The following CNTNAP2 variants were observed in gnomAD, a reference collection of about 807,000 sequenced individuals.
CNTNAP2 encodes contactin associated protein 2.
In CNTNAP2, 98 loss-of-function variants were observed where a neutral mutation model predicts 155.2. The observed-to-expected ratio is 0.63, with a 90% confidence interval of 0.54 to 0.75. The LOEUF (loss-of-function observed/expected upper bound fraction) is 0.75, where lower values mean the gene tolerates loss of function less well. CNTNAP2 is among the 30% of genes least tolerant of loss of function. The pLI is 0.00. For synonymous variants in CNTNAP2, 651 were observed against 631.2 expected, an observed-to-expected ratio of 1.03 and a Z score of -0.47; for missense variants, 1,727 against 1,688.1, an observed-to-expected ratio of 1.02 and a Z score of -0.40.
At chr7:146,864,349 TA>T (rs1795161538) in intron 3 of CNTNAP2, among the ~76,000 whole-genome samples, 2 of 152,014 alleles carry the variant, frequency 1.3e-5, no homozygotes, top group Non-Finnish European at 2.9e-5. Context: ...GCAACAGATA[TA>T]AAAAAATCAT....
chr7:147,653,799 A>G (rs1410555505), intron 13 of CNTNAP2, among the ~76,000 whole-genome samples: 3 of 152,224 alleles, frequency 2.0e-5, no homozygotes, highest in African/African-American at 4.8e-5. Flanking sequence ...AACTCATGTT[A>G]CTTTAGTTGG....
At chr7:147,358,693 T>A (rs946647664) in intron 9 of CNTNAP2, among the ~76,000 whole-genome samples, 1 of 152,084 alleles carries the variant, frequency 6.6e-6, no homozygotes, top group Non-Finnish European at 1.5e-5. Flanking sequence ...AAAAAGCAAA[T>A]TTTATTTATT....
chr7:147,736,850 C>T (rs937182099), intron 13 of CNTNAP2, among the ~76,000 whole-genome samples: 1 of 152,200 alleles, frequency 6.6e-6, no homozygotes, highest in Non-Finnish European at 1.5e-5. Flanking sequence ...ACGTAGTTCT[C>T]GTGCTATGGT....
intron 5 of CNTNAP2, among the ~76,000 whole-genome samples, chr7:147,115,884 G>A (rs1191240548): frequency 6.6e-6 from 1 of 152,124 alleles, no homozygotes; most frequent in African/African-American, 2.4e-5. Context: ...TGGAGGAAAA[G>A]GGGCACTCGG....
At chr7:146,464,771 T>G (rs1268214713) in intron 1 of CNTNAP2, among the ~76,000 whole-genome samples, 1 of 152,184 alleles carries the variant, frequency 6.6e-6, no homozygotes, top group Non-Finnish European at 1.5e-5. Context: ...GAAAGTCTTA[T>G]AAATGACTTT....
intron 9 of CNTNAP2, among the ~76,000 whole-genome samples, chr7:147,305,249 A>T (rs1795007503): frequency 1.3e-5 from 2 of 152,232 alleles, no homozygotes; most frequent in African/African-American, 4.8e-5. Flanking sequence ...AAGTAAAGGC[A>T]AAAACGAGCT....
At chr7:147,932,583 G>C in intron 14 of CNTNAP2, among the ~76,000 whole-genome samples, 1 of 152,214 alleles carries the variant, frequency 6.6e-6, no homozygotes, top group Middle Eastern at 3.4e-3. Flanking sequence ...AGACTTAAAC[G>C]TAAGACCTGA....
chr7:146,842,168 T>C (rs906303067), intron 3 of CNTNAP2, among the ~76,000 whole-genome samples: 5 of 152,200 alleles, frequency 3.3e-5, no homozygotes, highest in African/African-American at 7.2e-5. Context: ...ATTCCAGGCG[T>C]GAGCCACTGC....
intron 23 of CNTNAP2, 39 bp from the exon 24 acceptor site, chr7:148,415,378 G>C: frequency 6.2e-7 from 1 of 1,605,456 alleles, no homozygotes; most frequent in Non-Finnish European, 8.5e-7. Flanking sequence ...GGACTCCCAA[G>C]CCCTGTCTAA....
chr7:146,151,441 A>G (rs1379214341), intron 1 of CNTNAP2, among the ~76,000 whole-genome samples: 1 of 150,808 alleles, frequency 6.6e-6, no homozygotes, highest in African/African-American at 2.4e-5. Flanking sequence ...TCTCTGCTTT[A>G]TGAATTCAAT....
chr7:146,183,505 G>A (rs1381046721), intron 1 of CNTNAP2, among the ~76,000 whole-genome samples: 1 of 151,852 alleles, frequency 6.6e-6, no homozygotes, highest in East Asian at 1.9e-4. Context: ...TCAGTAAAAG[G>A]CCATCCAACT....
chr7:148,010,212 A>C (rs1270439737), intron 15 of CNTNAP2, among the ~76,000 whole-genome samples: 1 of 151,544 alleles, frequency 6.6e-6, no homozygotes, highest in Non-Finnish European at 1.5e-5. Flanking sequence ...AGTTATCTGT[A>C]TCTTTTGATA....
At chr7:146,194,060 G>A (rs538731925) in intron 1 of CNTNAP2, among the ~76,000 whole-genome samples, 181 of 152,254 alleles carry the variant, frequency 1.2e-3, no homozygotes, top group African/African-American at 4.3e-3. Context: ...ATCACTATCC[G>A]CATTTTGGTC....
chr7:146,584,420 C>T (rs1423112847), intron 1 of CNTNAP2, among the ~76,000 whole-genome samples: 1 of 152,182 alleles, frequency 6.6e-6, no homozygotes, highest in Non-Finnish European at 1.5e-5. Flanking sequence ...TTAAGTCTAG[C>T]TTAAACAACT....
intron 8 of CNTNAP2, among the ~76,000 whole-genome samples, chr7:147,227,068 T>TAG (rs537237718): frequency 2.7e-3 from 407 of 152,222 alleles, no homozygotes; most frequent in African/African-American, 9.2e-3. Flanking sequence ...TACTGGGAAG[T>TAG]AGAGTTTCAA....
intron 1 of CNTNAP2, among the ~76,000 whole-genome samples, chr7:146,530,602 G>A (rs1041938316): frequency 6.6e-6 from 1 of 152,000 alleles, no homozygotes; most frequent in Non-Finnish European, 1.5e-5. Context: ...GCATACACGT[G>A]GCCAAAAGGC....
At chr7:148,103,603 G>T (rs191359199) in intron 15 of CNTNAP2, among the ~76,000 whole-genome samples, 1 of 151,558 alleles carries the variant, frequency 6.6e-6, no homozygotes, top group Non-Finnish European at 1.5e-5. Flanking sequence ...GGATGATTAC[G>T]AGCAAAGCAC....
At chr7:146,230,222 A>G (rs1455048823) in intron 1 of CNTNAP2, among the ~76,000 whole-genome samples, 1 of 152,232 alleles carries the variant, frequency 6.6e-6, no homozygotes, top group Non-Finnish European at 1.5e-5. Context: ...GGAAGTGAGT[A>G]TATAAGTCCA....
At chr7:147,808,996 T>C (rs1798138046) in intron 13 of CNTNAP2, among the ~76,000 whole-genome samples, 1 of 152,088 alleles carries the variant, frequency 6.6e-6, no homozygotes, top group Non-Finnish European at 1.5e-5. Flanking sequence ...GTCAGGGATC[T>C]GGGAAGAATG....
Sources: gnomAD v4.1 joint callset for allele counts (sites outside exome capture counted in the v4.1 genomes callset) on GRCh38, gnomAD v4.1.1 for gene constraint, MANE v1.5 for transcripts, NCBI Gene and HGNC (gene_info 2026-07-23, HGNC 2026-07-21) for gene names.